BABAM2: variants seen among roughly 807,000 people sequenced by gnomAD.
The protein encoded by BABAM2 is BRISC and BRCA1 A complex member 2.
In BABAM2, 31 loss-of-function variants were observed where a neutral mutation model predicts 54.7. The ratio of observed to expected loss-of-function variants is 0.57; its 90% confidence interval spans 0.43 to 0.77. The LOEUF (loss-of-function observed/expected upper bound fraction) is 0.77, where lower values mean the gene tolerates loss of function less well. Among genes scored for constraint, BABAM2 ranks in the 30% least tolerant of loss-of-function variants. The probability of loss-of-function intolerance (pLI) is 0.00; values close to 1 mark genes in which losing one functional copy is unlikely to be tolerated. For synonymous variants in BABAM2, 167 were observed against 162.9 expected (o/e 1.03, Z -0.19); for missense variants, 364 against 455.8 (o/e 0.80, Z 1.83).
chr2:28,327,194 C>A, intron 11 of BABAM2: 1 of 1,431,140 alleles, frequency 7.0e-7, no homozygotes, highest in Middle Eastern at 2.6e-4. Flanking sequence ...GCTCAGGAGC[C>A]CATTAGGACT....
chr2:27,957,598 A>G (rs181377072), intron 3 of BABAM2, among the ~76,000 whole-genome samples: 3 of 152,322 alleles, frequency 2.0e-5, no homozygotes, highest in Admixed American at 2.0e-4. Context: ...CATTTTAAAA[A>G]AGAATTCGGT....
intron 3 of BABAM2, among the ~76,000 whole-genome samples, chr2:27,965,484 A>G (rs191535665): frequency 1.6e-4 from 25 of 152,308 alleles, no homozygotes; most frequent in African/African-American, 5.8e-4. Context: ...ATTTTGAAGC[A>G]AATTCCGAGC....
chr2:28,098,981 A>C (rs950752151), intron 6 of BABAM2, among the ~76,000 whole-genome samples: 1 of 152,172 alleles, frequency 6.6e-6, no homozygotes, highest in Non-Finnish European at 1.5e-5. Flanking sequence ...CTCAGACTCT[A>C]TTAAAAGGCA....
At chr2:28,042,409 A>T (rs1212165185) in intron 5 of BABAM2, among the ~76,000 whole-genome samples, 1 of 152,222 alleles carries the variant, frequency 6.6e-6, no homozygotes, top group East Asian at 1.9e-4. Flanking sequence ...ATGTTCAAGG[A>T]TTGAGGAGAC....
At position 28,245,314 on chromosome 2, in the gene BABAM2, A is replaced by G. The variant is rs114427927; in HGVS notation, c.934+452A>G. ...AGTATCAGGCCTCAAGACTTTTGGT[A>G]TTATTGGAAACATACCTGCTGTGAT... is the stretch of plus-strand genomic sequence containing the variant. On this transcript the variant is annotated intron_variant, in intron 10 of 11. Coordinates refer to ENST00000379624, the MANE Select transcript of BABAM2 (RefSeq NM_199191.3). Among the ~76,000 whole-genome samples, 1,490 of 152,286 alleles carry G rather than the reference A, an allele frequency of 9.8e-3. 26 individuals carry two copies. Among genetic ancestry groups the G allele is most frequent in the African/African-American group, 0.034 (1,413 of 41,566 alleles).
intron 10 of BABAM2, among the ~76,000 whole-genome samples, chr2:28,289,067 C>T (rs904749491): frequency 1.4e-5 from 2 of 147,992 alleles, no homozygotes; most frequent in Non-Finnish European, 3.0e-5. Flanking sequence ...TACACACGCG[C>T]ACACACACAC....
intron 6 of BABAM2, among the ~76,000 whole-genome samples, chr2:28,052,370 C>T (rs115681917): frequency 0.022 from 3,290 of 151,682 alleles, 125 homozygotes; most frequent in African/African-American, 0.076. Flanking sequence ...TCACTGCCAC[C>T]TCCGCCTCTG....
chr2:28,270,173 G>A (rs1162407576), intron 10 of BABAM2, among the ~76,000 whole-genome samples: 1 of 152,060 alleles, frequency 6.6e-6, no homozygotes, highest in African/African-American at 2.4e-5. Flanking sequence ...ACAGGTTGGA[G>A]TATAGTGGTG....
chr2:27,921,803 G>C (rs1488885616), intron 2 of BABAM2, among the ~76,000 whole-genome samples: 3 of 152,176 alleles, frequency 2.0e-5, no homozygotes, highest in Non-Finnish European at 4.4e-5. Flanking sequence ...TTTAAATTCT[G>C]AGTTGTGTGT....
chr2:28,053,391 ATCT>A (rs1280754334), intron 6 of BABAM2, among the ~76,000 whole-genome samples: 8 of 152,188 alleles, frequency 5.3e-5, no homozygotes, highest in African/African-American at 1.7e-4. Context: ...CAGAACCGTC[ATCT>A]TCTTATCTTA....
intron 7 of BABAM2, among the ~76,000 whole-genome samples, chr2:28,227,095 A>T (rs945379371): frequency 1.3e-5 from 2 of 151,932 alleles, no homozygotes; most frequent in African/African-American, 4.8e-5. Flanking sequence ...TAAAGGAGAA[A>T]TTTCAGCAGT....
At chr2:28,300,842 A>G (rs1188071940) in intron 11 of BABAM2, among the ~76,000 whole-genome samples, 1 of 152,240 alleles carries the variant, frequency 6.6e-6, no homozygotes, top group African/African-American at 2.4e-5. Flanking sequence ...AGTAATGTTT[A>G]AAAAATCTGC....
At chr2:27,928,035 T>C (rs1414130763) in intron 2 of BABAM2, among the ~76,000 whole-genome samples, 1 of 151,548 alleles carries the variant, frequency 6.6e-6, no homozygotes, top group African/African-American at 2.4e-5. Context: ...TTTTTTGAGA[T>C]GGAGTCTTGC....
intron 5 of BABAM2, among the ~76,000 whole-genome samples, chr2:28,028,625 T>G (rs1400636080): frequency 6.6e-6 from 1 of 152,126 alleles, no homozygotes; most frequent in Non-Finnish European, 1.5e-5. Flanking sequence ...TCCATAAACG[T>G]TTTTGAATGA....
At chr2:28,028,872 T>G (rs1676091107) in intron 5 of BABAM2, among the ~76,000 whole-genome samples, 1 of 152,148 alleles carries the variant, frequency 6.6e-6, no homozygotes, top group African/African-American at 2.4e-5. Context: ...GTTCAAGCAA[T>G]TCTCCTCTCT....
intron 7 of BABAM2, among the ~76,000 whole-genome samples, chr2:28,207,978 A>G (rs914793007): frequency 3.3e-5 from 5 of 152,190 alleles, no homozygotes; most frequent in African/African-American, 4.8e-5. Flanking sequence ...GAGAGAATAC[A>G]TATTTCCTAA....
chr2:28,312,355 A>G (rs1361083275), intron 11 of BABAM2, among the ~76,000 whole-genome samples: 1 of 152,210 alleles, frequency 6.6e-6, no homozygotes, highest in East Asian at 1.9e-4. Context: ...CAAAAATGGG[A>G]AGCAGGTACC....
intron 11 of BABAM2, among the ~76,000 whole-genome samples, chr2:28,332,551 C>G (rs942994486): frequency 6.6e-6 from 1 of 152,172 alleles, no homozygotes; most frequent in African/African-American, 2.4e-5. Flanking sequence ...AGTGCTCTTT[C>G]CACTTCCCCC....
chr2:28,159,626 T>C (rs1210856423), intron 7 of BABAM2, among the ~76,000 whole-genome samples: 1 of 152,274 alleles, frequency 6.6e-6, no homozygotes, highest in South Asian at 2.1e-4. Context: ...ACACCTGCAA[T>C]GCCAGCACTT....
Sources: gnomAD v4.1 joint callset for allele counts (sites outside exome capture counted in the v4.1 genomes callset) on GRCh38, gnomAD v4.1.1 for gene constraint, MANE v1.5 for transcripts, NCBI Gene and HGNC (gene_info 2026-07-23, HGNC 2026-07-21) for gene names.